Variants in KCNT2 observed in about 807,000 individuals in gnomAD.
KCNT2 encodes potassium sodium-activated channel subfamily T member 2.
In KCNT2, 67 loss-of-function variants were observed where a neutral mutation model predicts 153.8. That is an observed-to-expected ratio of 0.44 (90% CI 0.36 to 0.53). The LOEUF (loss-of-function observed/expected upper bound fraction) is 0.53. Ranked by LOEUF, KCNT2 falls within the 20% of genes least tolerant of loss-of-function variation. The pLI, the probability that KCNT2 is intolerant of heterozygous loss-of-function variation, is 0.00. For synonymous variants in KCNT2, 500 were observed against 458.8 expected (o/e 1.09, Z -1.15); for missense variants, 975 against 1,354.8 (o/e 0.72, Z 4.40).
intron 13 of KCNT2, among the ~76,000 whole-genome samples, chr1:196,396,579 C>G (rs930481091): frequency 6.7e-6 from 1 of 150,292 alleles, no homozygotes; most frequent in Non-Finnish European, 1.5e-5. Context: ...TACAGCACTC[C>G]AAACTCTTTT....
chr1:196,334,317 G>A (rs998584542), intron 16 of KCNT2, among the ~76,000 whole-genome samples: 4 of 151,718 alleles, frequency 2.6e-5, no homozygotes, highest in Non-Finnish European at 4.4e-5. Flanking sequence ...CAAAACATAA[G>A]ATTTGTAAAA....
intron 12 of KCNT2, among the ~76,000 whole-genome samples, chr1:196,399,960 G>A (rs115375682): frequency 0.011 from 1,619 of 151,854 alleles, 16 homozygotes; most frequent in Non-Finnish European, 0.018. Context: ...AGAATTGTGA[G>A]CAATACATTT....
chr1:196,386,659 T>C (rs977601558), intron 13 of KCNT2, among the ~76,000 whole-genome samples: 3 of 152,116 alleles, frequency 2.0e-5, no homozygotes, highest in African/African-American at 7.2e-5. Context: ...ATCCTACTAA[T>C]CATATTCATC....
intron 8 of KCNT2, among the ~76,000 whole-genome samples, chr1:196,463,910 T>C (rs867088028): frequency 1.1e-4 from 16 of 151,830 alleles, no homozygotes; most frequent in Non-Finnish European, 1.9e-4. Context: ...AATGTCATCA[T>C]GTAAAAATAA....
intron 1 of KCNT2, among the ~76,000 whole-genome samples, chr1:196,557,382 T>C (rs542608208): frequency 7.4e-4 from 112 of 151,440 alleles, no homozygotes; most frequent in Non-Finnish European, 1.4e-3. Context: ...TATTTGGATT[T>C]TTATCATAAT....
intron 16 of KCNT2, among the ~76,000 whole-genome samples, chr1:196,336,846 C>T (rs1231654380): frequency 1.3e-5 from 2 of 152,152 alleles, no homozygotes; most frequent in Non-Finnish European, 1.5e-5. Flanking sequence ...GATTCCAGGA[C>T]ACCTCACTCA....
intron 8 of KCNT2, among the ~76,000 whole-genome samples, chr1:196,459,265 T>C (rs1676945383): frequency 6.6e-6 from 1 of 151,718 alleles, no homozygotes; most frequent in Non-Finnish European, 1.5e-5. Flanking sequence ...TTTAATAATT[T>C]ATAAAAGGTG....
At chr1:196,529,053 A>T (rs1217304632) in intron 1 of KCNT2, among the ~76,000 whole-genome samples, 1 of 152,140 alleles carries the variant, frequency 6.6e-6, no homozygotes, top group Non-Finnish European at 1.5e-5. Context: ...AATAGCAATG[A>T]TAGAGAAAAG....
intron 8 of KCNT2, among the ~76,000 whole-genome samples, chr1:196,459,560 G>T (rs988145870): frequency 1.3e-5 from 2 of 151,782 alleles, no homozygotes; most frequent in Non-Finnish European, 2.9e-5. Context: ...CATGGCACTA[G>T]CTCAAACTGG....
chr1:196,342,307 A>G, intron 14 of KCNT2, 79 bp from the exon 15 acceptor site: 1 of 1,286,778 alleles, frequency 7.8e-7, no homozygotes, highest in Admixed American at 2.1e-5. Flanking sequence ...TTGTTATAGA[A>G]CTGTTTCTCA....
chr1:196,362,557 A>C lies in KCNT2; in HGVS notation c.1403+10583T>G, dbSNP rs555457793. 9.2e-5 allele frequency among the ~76,000 whole-genome samples: 14 copies of C among 152,224 alleles called. No individual in the cohort carries two copies. The South Asian group carries it at 2.9e-3, about 32-fold the overall frequency. ...GTTCAAGGCAGTAAGAGAAAAAAGC[A>C]TTGCTTTACCTGACATTTGCTGGCC... On this transcript the variant is annotated intron_variant, in intron 14 of 27. Transcript: ENST00000294725.
intron 12 of KCNT2, among the ~76,000 whole-genome samples, chr1:196,416,219 T>A (rs781553985): frequency 1.3e-5 from 2 of 151,950 alleles, no homozygotes; most frequent in African/African-American, 4.8e-5. Flanking sequence ...TTATTTTACT[T>A]AGTGGCCCAA....
chr1:196,503,489 C>A (rs1450795989), intron 1 of KCNT2, among the ~76,000 whole-genome samples: 2 of 152,118 alleles, frequency 1.3e-5, no homozygotes, highest in African/African-American at 4.8e-5. Flanking sequence ...TTTCTCTATA[C>A]ATAAGAGTAT....
intron 1 of KCNT2, among the ~76,000 whole-genome samples, chr1:196,595,523 C>T (rs1663947982): frequency 6.6e-6 from 1 of 152,064 alleles, no homozygotes; most frequent in South Asian, 2.1e-4. Context: ...CACAAATGCT[C>T]AAGTCTCTGA....
intron 1 of KCNT2, among the ~76,000 whole-genome samples, chr1:196,526,496 C>T (rs1263430879): frequency 6.6e-6 from 1 of 151,584 alleles, no homozygotes; most frequent in Non-Finnish European, 1.5e-5. Flanking sequence ...GCTTTGTCGC[C>T]AGGCTGGAGT....
At chr1:196,460,773 A>G (rs1410321407) in intron 8 of KCNT2, among the ~76,000 whole-genome samples, 2 of 151,756 alleles carry the variant, frequency 1.3e-5, no homozygotes, top group Non-Finnish European at 3.0e-5. Context: ...CATTTGAATA[A>G]GGATCAAATT....
intron 21 of KCNT2, among the ~76,000 whole-genome samples, chr1:196,307,848 T>C (rs1369334884): frequency 6.6e-6 from 1 of 152,064 alleles, no homozygotes; most frequent in Non-Finnish European, 1.5e-5. Context: ...GACTTTTGGC[T>C]GGCAAACTCC....
At chr1:196,447,562 G>A (rs943545756) in intron 8 of KCNT2, among the ~76,000 whole-genome samples, 6 of 151,494 alleles carry the variant, frequency 4.0e-5, no homozygotes, top group African/African-American at 1.5e-4. Context: ...GATCATCCAG[G>A]CAAGAGATAA....
chr1:196,560,782 C>A (rs570885994), intron 1 of KCNT2, among the ~76,000 whole-genome samples: 10 of 151,990 alleles, frequency 6.6e-5, no homozygotes, highest in Non-Finnish European at 7.4e-5. Context: ...ACAAATGGTG[C>A]TGCCTTGTCC....
Sources: allele counts gnomAD v4.1 joint callset (sites outside exome capture counted in the v4.1 genomes callset), GRCh38; gene constraint gnomAD v4.1.1; transcripts MANE v1.5; gene names NCBI Gene and HGNC (gene_info 2026-07-23, HGNC 2026-07-21).